Variants in ZNF793 observed in about 807,000 individuals in gnomAD.
ZNF793 encodes zinc finger protein 793.
ZNF793 carries 5 observed loss-of-function variants against 12.4 expected under a neutral mutation model. That is an observed-to-expected ratio of 0.40 (90% CI 0.21 to 0.84). ZNF793 has a LOEUF of 0.84. Ranked by LOEUF, ZNF793 falls within the 40% of genes least tolerant of loss-of-function variation. The pLI, the probability that ZNF793 is intolerant of heterozygous loss-of-function variation, is 0.35. For synonymous variants in ZNF793, 162 were observed against 172.4 expected (o/e 0.94, Z 0.47); for missense variants, 456 against 495.0 (o/e 0.92, Z 0.75).
In ZNF793 at chr19:37,539,243, AC is replaced by A. The variant is rs2042535873; in HGVS notation, c.*1365del. On this transcript the variant is annotated 3_prime_UTR_variant, in exon 8 of 8. Transcript: ENST00000627814. ...ATGTAGTGTCACCCTGGTGTACAGT[AC>A]ACTGTTCATATTTTCTTAGTCTTGC... is the stretch of plus-strand genomic sequence containing the variant. The A allele has an allele frequency of 6.6e-6, 1 of 152,214 alleles. No individual in the cohort carries two copies. Among genetic ancestry groups the A allele is most frequent in the South Asian group, 2.1e-4 (1 of 4,824 alleles). 9.4% of individuals were successfully genotyped at this position (152,214 alleles called of 1,614,324 possible). A position where few individuals can be genotyped will look rare whatever the true frequency, so the allele number is the denominator to read the frequency against.
chr19:37,536,776 C>A, intron 7 of ZNF793, 121 bp from the exon 8 acceptor site: 2 of 1,090,244 alleles, frequency 1.8e-6, no homozygotes, highest in Non-Finnish European at 2.6e-6. Context: ...CTCTTCCCTG[C>A]GTTTGTGCTT....
At chr19:37,521,374 C>T (rs1450411582) in intron 3 of ZNF793, among the ~76,000 whole-genome samples, 2 of 151,312 alleles carry the variant, frequency 1.3e-5, no homozygotes, top group Admixed American at 6.6e-5. Context: ...CCACCCACCT[C>T]GGCCTCCCAA....
chr19:37,533,555 T>C (rs1409304320), intron 7 of ZNF793, 152 bp downstream of exon 7: 1 of 627,138 alleles, frequency 1.6e-6, no homozygotes. Flanking sequence ...CCACCGCCCA[T>C]ATCTGAGTGT....
At position 37,538,827 on chromosome 19, in the gene ZNF793, G is replaced by T. The variant is rs1446271733; in HGVS notation, c.*948G>T. 2 of 152,208 alleles carry T rather than the reference G, an allele frequency of 1.3e-5. No homozygotes were observed. The highest frequency in any genetic ancestry group is 2.9e-5 in the Non-Finnish European group (2 of 68,036). The allele number at this position is 152,208 out of a possible 1,614,324, so 9.4% of individuals were successfully genotyped here. A position where few individuals can be genotyped will look rare whatever the true frequency, so the allele number is the denominator to read the frequency against. ...CAATCAGCATTATTTGTATTTTGGA[G>T]TTGTAAATGTGAAATTAACATAAAA... On this transcript the variant is annotated 3_prime_UTR_variant, in exon 8 of 8. Coordinates refer to ENST00000627814, the MANE Select transcript of ZNF793 (RefSeq NM_001013659.3).
At position 37,537,143 on chromosome 19, in the gene ZNF793, A is replaced by G; in HGVS notation, c.485A>G (p.Lys162Arg). 2 of 1,613,558 alleles carry G rather than the reference A, an allele frequency of 1.2e-6. No individual in the cohort carries two copies. Among genetic ancestry groups the G allele is most frequent in the South Asian group, 1.1e-5 (1 of 91,004 alleles). Residue 162 changes from lysine (K) to arginine (R), a missense_variant, in exon 8 of 8, where the codon AAG becomes AGG. Physicochemically the swap from Lys to Arg is conservative, Grantham distance 26 (BLOSUM62 2). Coordinates refer to ENST00000627814, the MANE Select transcript of ZNF793 (RefSeq NM_001013659.3). ...LIGFKRNCAKKQDECYAYGKL... is the reference protein window; with the variant it reads ...LIGFKRNCAKRQDECYAYGKL... The stretch of plus-strand genomic sequence containing the variant: ...GGTTTTAAGAGAAACTGTGCAAAAA[A>G]GCAAGATGAGTGTTATGCTTATGGG...
Position 37,537,969 on chromosome 19 carries a change from T to G in ZNF793, c.*90T>G. 1.4e-6 allele frequency: 2 copies of G among 1,398,906 alleles called. No homozygotes were observed. Among genetic ancestry groups the G allele is most frequent in the South Asian group, 3.1e-5 (2 of 64,894 alleles). The allele number at this position is 1,398,906 out of a possible 1,614,324, so 86.7% of individuals were successfully genotyped here. On this transcript the variant is annotated 3_prime_UTR_variant, in exon 8 of 8. Coordinates refer to ENST00000627814, the MANE Select transcript of ZNF793 (RefSeq NM_001013659.3). The stretch of plus-strand genomic sequence containing the variant: ...CTTTGTCACCCAGGCTGGAGTGCAG[T>G]GGCGCGATCTCGGCTTACTGCAAGC...
Position 37,536,881 on chromosome 19 carries a change from A to C in ZNF793, c.239-16A>C, listed in dbSNP as rs540178798. On this transcript the variant is annotated splice_polypyrimidine_tract_variant and intron_variant, in intron 7 of 7. Transcript: ENST00000627814. ...GTATGAAGTTTCATAAGGATGATTC[A>C]CTGTACTTTCTCCAGAAGACATCTG... The C allele has an allele frequency of 4.4e-6, 7 of 1,583,296 alleles. No homozygotes were observed. The South Asian group carries it at 7.1e-5, about 16-fold the overall frequency.
At chr19:37,506,598 AAAGAAAGC>A (rs2147044475), upstream of ZNF793, 1 of 152,338 alleles carries the variant, frequency 6.6e-6, no homozygotes, top group South Asian at 2.1e-4. Context: ...TGCCGGAGAC[AAAGAAAGC>A]TCAGCTTTGA....
In ZNF793 at chr19:37,536,993, A is replaced by G; in HGVS notation, c.335A>G (p.Lys112Arg). Residue 112 changes from lysine to arginine, a missense_variant, in exon 8 of 8, where the codon AAA becomes AGA. By Grantham distance (26) the Lys-to-Arg change is conservative. Coordinates refer to ENST00000627814, the MANE Select transcript of ZNF793 (RefSeq NM_001013659.3). The stretch of plus-strand genomic sequence containing the variant: ...AGCAAGAAAACATTGCCCAAGGAGA[A>G]AAGCTGTGAATATAATAAGTTTGGG... ...AISKKTLPKEKSCEYNKFGKI... is the reference protein window; with the variant it reads ...AISKKTLPKERSCEYNKFGKI... 1 of 1,614,012 alleles carries G rather than the reference A, an allele frequency of 6.2e-7. No individual in the cohort carries two copies. The highest frequency in any genetic ancestry group is 8.5e-7 in the Non-Finnish European group (1 of 1,179,888).
chr19:37,537,351 G>A lies in ZNF793; in HGVS notation c.693G>A (p.Glu231=). 6.2e-7 allele frequency: 1 copy of A among 1,613,216 alleles called. No homozygotes were observed. Among genetic ancestry groups the A allele is most frequent in the Non-Finnish European group, 8.5e-7 (1 of 1,179,538 alleles). ...CAGAAAAACCCCACGTCTGTAGTGAGTGTGGGAAAGCCTTCTGCTACAAGT... is the reference window on the plus strand; with the variant it reads ...CAGAAAAACCCCACGTCTGTAGTGAATGTGGGAAAGCCTTCTGCTACAAGT... ...PPTEKPHVCS[E]CGKAFCYKSE... The change falls in exon 8 of 8, where the codon GAG becomes GAA. Residue 231 remains glutamate (E), a synonymous_variant. Coordinates refer to ENST00000627814, the MANE Select transcript of ZNF793 (RefSeq NM_001013659.3).
chr19:37,531,443 A>C (rs2042460088), intron 5 of ZNF793: 1 of 153,976 alleles, frequency 6.5e-6, no homozygotes, highest in Admixed American at 6.6e-5. Flanking sequence ...CTGGGATTAC[A>C]GGGGTGAGCC....
chr19:37,537,459 G>T lies in ZNF793; in HGVS notation c.801G>T (p.Lys267Asn). ...ACTGTGGGAAAGCCTTTTCACATAA[G>T]TCAACCCTCATCAAACACCAGAGAA... ...CTDCGKAFSH[K>N]STLIKHQRIH... The change falls in exon 8 of 8, where the codon AAG becomes AAT. Residue 267 changes from lysine (K) to asparagine (N), a missense_variant. Lys to Asn is a moderately conservative substitution (Grantham distance 94, BLOSUM62 0). Transcript: ENST00000627814. The T allele has an allele frequency of 6.2e-7, 1 of 1,613,896 alleles. No individual in the cohort carries two copies. The highest frequency in any genetic ancestry group is 2.2e-5 in the East Asian group (1 of 44,882).
Position 37,541,463 on chromosome 19 carries a change from G to C in ZNF793, c.*3584G>C, listed in dbSNP as rs1045508412. 6.6e-6 allele frequency: 1 copy of C among 152,360 alleles called. No individual in the cohort carries two copies. Among genetic ancestry groups the C allele is most frequent in the Non-Finnish European group, 1.5e-5 (1 of 68,158 alleles). 9.4% of individuals were successfully genotyped at this position (152,360 alleles called of 1,614,324 possible). A position where few individuals can be genotyped will look rare whatever the true frequency, so the allele number is the denominator to read the frequency against. On this transcript the variant is annotated 3_prime_UTR_variant, in exon 8 of 8. Coordinates refer to ENST00000627814, the MANE Select transcript of ZNF793 (RefSeq NM_001013659.3). ...GGAGGCTGAGGCAGGAGGATCACCT[G>C]AGGTTAGGAGTTCAAGACTAGTCTG...
chr19:37,528,435 T>G (rs2042433181), intron 5 of ZNF793, among the ~76,000 whole-genome samples: 1 of 151,686 alleles, frequency 6.6e-6, no homozygotes, highest in South Asian at 2.1e-4. Flanking sequence ...CCCAAAGCCC[T>G]CATTATAAAC....
rs1285997714 is a variant in ZNF793 at position 37,537,118 on chromosome 19, G to T, written c.460G>T (p.Gly154Cys). 1.9e-6 allele frequency: 3 copies of T among 1,613,128 alleles called. No individual in the cohort carries two copies. The highest frequency in any genetic ancestry group is 2.7e-5 in the African/African-American group (2 of 74,922). The change falls in exon 8 of 8, where the codon GGT (glycine) becomes TGT (cysteine). Residue 154 changes from glycine (G) to cysteine (C), a missense_variant. Coordinates refer to ENST00000627814, the MANE Select transcript of ZNF793 (RefSeq NM_001013659.3). ...KNLNHNLDLI[G>C]FKRNCAKKQD... ...TTTGAACCATAATTTAGACTTGATT[G>T]GTTTTAAGAGAAACTGTGCAAAAAA...
chr19:37,509,673 C>A (rs1201483095), intron 2 of ZNF793, among the ~76,000 whole-genome samples: 1 of 152,198 alleles, frequency 6.6e-6, no homozygotes, highest in South Asian at 2.1e-4. Flanking sequence ...ATTCCCTTCA[C>A]CACCTATACT....
chr19:37,534,631 G>A (rs1048310403), intron 7 of ZNF793: 5 of 150,720 alleles, frequency 3.3e-5, no homozygotes, highest in Admixed American at 3.3e-4. Context: ...CATATGTGTG[G>A]TTTTGTTGAT....
rs73931002 is a variant in ZNF793 at position 37,542,784 on chromosome 19, C to T, written c.*4905C>T. 3,779 of 166,288 alleles carry T rather than the reference C, an allele frequency of 0.023. 166 individuals carry two copies. Among genetic ancestry groups the T allele is most frequent in the African/African-American group, 0.085 (3,542 of 41,852 alleles). The allele number at this position is 166,288 out of a possible 1,614,324, so 10.3% of individuals were successfully genotyped here. On this transcript the variant is annotated 3_prime_UTR_variant, in exon 8 of 8. Transcript: ENST00000627814. Reference sequence around the variant, plus strand: ...TGACTCCATTTTTTTAAATCATTAACAAAATGTCTCTAGGTGTTTGTCAGC... The same window carrying T: ...TGACTCCATTTTTTTAAATCATTAATAAAATGTCTCTAGGTGTTTGTCAGC...
chr19:37,515,898 C>G (rs931020146), intron 2 of ZNF793, among the ~76,000 whole-genome samples: 1 of 151,912 alleles, frequency 6.6e-6, no homozygotes, highest in Non-Finnish European at 1.5e-5. Context: ...GATCTCTTTG[C>G]CCCAAATTGT....
Sources: gnomAD v4.1 joint callset for allele counts (sites outside exome capture counted in the v4.1 genomes callset) on GRCh38, gnomAD v4.1.1 for gene constraint, MANE v1.5 for transcripts, NCBI Gene and HGNC (gene_info 2026-07-23, HGNC 2026-07-21) for gene names.